The following MNS1 variants were observed in gnomAD, a reference collection of about 807,000 sequenced individuals.
The protein encoded by MNS1 is meiosis-specific nuclear structural protein 1.
A neutral mutation model predicts 72.0 loss-of-function variants in MNS1; 63 were observed. That is an observed-to-expected ratio of 0.87 (90% CI 0.71 to 1.08). The LOEUF (loss-of-function observed/expected upper bound fraction) is 1.08, where lower values mean the gene tolerates loss of function less well. Ranked by LOEUF, MNS1 falls within the 50% of genes least tolerant of loss-of-function variation. The pLI, the probability that MNS1 is intolerant of heterozygous loss-of-function variation, is 0.00. For missense variants in MNS1, 604 were observed against 562.4 expected, an observed-to-expected ratio of 1.07 and a Z score of -0.75; for synonymous variants, 188 against 172.1, an observed-to-expected ratio of 1.09 and a Z score of -0.72.
intron 4 of MNS1, 93 bp downstream of exon 4, chr15:56,446,748 A>T: frequency 1.1e-6 from 1 of 898,662 alleles, no homozygotes; most frequent in South Asian, 1.7e-5. Flanking sequence ...AGCAGTGTAA[A>T]TTCTTTATAC....
intron 2 of MNS1, among the ~76,000 whole-genome samples, chr15:56,462,694 C>A (rs543391087): frequency 6.6e-6 from 1 of 152,304 alleles, no homozygotes; most frequent in East Asian, 1.9e-4. Flanking sequence ...ACCAAATACA[C>A]CGTATGAATG....
At chr15:56,445,304 T>C (rs1165913112) in intron 4 of MNS1, among the ~76,000 whole-genome samples, 2 of 152,046 alleles carry the variant, frequency 1.3e-5, no homozygotes, top group Non-Finnish European at 2.9e-5. Context: ...TCTTTCTTCT[T>C]GGATGGGTTA....
intron 2 of MNS1, among the ~76,000 whole-genome samples, chr15:56,462,581 ACAACT>A (rs2051030371): frequency 3.3e-5 from 5 of 152,248 alleles, no homozygotes; most frequent in Admixed American, 6.5e-5. Flanking sequence ...ACTGGATAAA[ACAACT>A]GGCTTAGTTT....
rs143653779 is a variant in MNS1, at chr15:56,462,110, T to G, written c.225+1916A>C. 1.6e-3 allele frequency among the ~76,000 whole-genome samples: 247 copies of G among 150,288 alleles called. 1 individual carries two copies. The highest frequency in any genetic ancestry group is 5.8e-3 in the African/African-American group (237 of 41,008). On this transcript the variant is annotated intron_variant, in intron 2 of 9. Transcript: ENST00000260453. The stretch of plus-strand genomic sequence containing the variant: ...GCCTTGAACTCCTGGGCTCAAGAGA[T>G]CCTTCCATCTTGGCCTCCCAAAGTG...
chr15:56,442,467 GGC>G (rs1257836519), intron 7 of MNS1, among the ~76,000 whole-genome samples: 3 of 152,074 alleles, frequency 2.0e-5, no homozygotes, highest in African/African-American at 7.2e-5. Context: ...TATTCACAAT[GGC>G]AAAGATATGG....
chr15:56,443,870 A>G lies in MNS1; in HGVS notation c.687-16T>C. 3 of 1,559,386 alleles carry G rather than the reference A, an allele frequency of 1.9e-6. No homozygotes were observed. The highest frequency in any genetic ancestry group is 2.6e-6 in the Non-Finnish European group (3 of 1,146,862). On this transcript the variant is annotated splice_polypyrimidine_tract_variant and intron_variant, in intron 5 of 9. Coordinates refer to ENST00000260453, the MANE Select transcript of MNS1 (RefSeq NM_018365.4). ...TTGTTTTTCCCTGAAAAGCAATAAC[A>G]AGTACAGATTTATAGTAAACAATAA...
chr15:56,444,443 C>G lies in MNS1; in HGVS notation c.686+1G>C. 1 of 1,602,436 alleles carries G rather than the reference C, an allele frequency of 6.2e-7. No individual in the cohort carries two copies. Among genetic ancestry groups the G allele is most frequent in the Non-Finnish European group, 8.5e-7 (1 of 1,175,980 alleles). ...ATGTAAGAAAGTTAGGATAAACTTA[C>G]AACTGATCTTCTTCATAGATCTTCC... On this transcript the variant is annotated splice_donor_variant, in intron 5 of 9. Coordinates refer to ENST00000260453, the MANE Select transcript of MNS1 (RefSeq NM_018365.4). LOFTEE classifies it high-confidence loss of function.
In MNS1 at chr15:56,461,992, T is replaced by G. The variant is rs1056308674; in HGVS notation, c.225+2034A>C. ...TTGTTGTTGTTTTTTTTTTTTTTTTTTTTTTTTTTTTTTTTTTTGTGGGGT... is the reference window on the plus strand; with the variant it reads ...TTGTTGTTGTTTTTTTTTTTTTTTTGTTTTTTTTTTTTTTTTTTGTGGGGT... On this transcript the variant is annotated intron_variant, in intron 2 of 9. Transcript: ENST00000260453. Among the ~76,000 whole-genome samples, 266 of 129,510 alleles carry G rather than the reference T, an allele frequency of 2.1e-3. 3 individuals are homozygous for G. The highest frequency in any genetic ancestry group is 3.7e-3 in the African/African-American group (137 of 36,974). The allele number at this position is 129,510 out of a possible 152,430, so 85.0% of individuals were successfully genotyped here. A position where few individuals can be genotyped will look rare whatever the true frequency, so the allele number is the denominator to read the frequency against.
rs145551259 is a variant in MNS1, at chr15:56,446,690, T to C, written c.456+151A>G. The C allele has an allele frequency of 8.9e-4, 531 of 598,328 alleles. 4 individuals carry two copies. In the African/African-American group the frequency reaches 9.1e-3, roughly 10 times the overall value. The allele number at this position is 598,328 out of a possible 1,614,324, so 37.1% of individuals were successfully genotyped here. On this transcript the variant is annotated intron_variant, in intron 4 of 9. Coordinates refer to ENST00000260453, the MANE Select transcript of MNS1 (RefSeq NM_018365.4). ...ATATTAAAAATGAAATCACGCAGGA[T>C]TTTCTACATCTTAAGGATCTGAAAA...
chr15:56,432,170 T>C (rs1003013869), intron 8 of MNS1, among the ~76,000 whole-genome samples: 3 of 152,202 alleles, frequency 2.0e-5, no homozygotes, highest in African/African-American at 7.2e-5. Context: ...ACTTGATACA[T>C]TTTTGTCCAA....
intron 9 of MNS1, among the ~76,000 whole-genome samples, chr15:56,431,091 T>C (rs1325506311): frequency 6.6e-6 from 1 of 152,090 alleles, no homozygotes; most frequent in Non-Finnish European, 1.5e-5. Context: ...GAGGCAGAGG[T>C]TGCAGTAAGC....
chr15:56,443,034 C>T (rs2050846058), intron 7 of MNS1, among the ~76,000 whole-genome samples: 1 of 152,126 alleles, frequency 6.6e-6, no homozygotes, highest in Admixed American at 6.6e-5. Context: ...AGGACTATGA[C>T]ATCTTCTAGA....
chr15:56,448,751 C>CTTTT (rs34366643), intron 3 of MNS1, among the ~76,000 whole-genome samples: 2 of 117,678 alleles, frequency 1.7e-5, no homozygotes, highest in Non-Finnish European at 1.8e-5. Context: ...TTTTTAGATT[C>CTTTT]TTTTTTTTTT....
At chr15:56,437,396 C>T (rs1374879019) in intron 7 of MNS1, among the ~76,000 whole-genome samples, 1 of 152,062 alleles carries the variant, frequency 6.6e-6, no homozygotes, top group Non-Finnish European at 1.5e-5. Flanking sequence ...GCAAAAAAGG[C>T]CCTTGACAAA....
rs74247168 is a variant in MNS1 at position 56,450,554 on chromosome 15, G to C, written c.354-3611C>G. ...GCTTACTTAACATAATGTTTTCAAG[G>C]TTCACTAATATTTTAGCATGTATCA... On this transcript the variant is annotated intron_variant, in intron 3 of 9. Coordinates refer to ENST00000260453, the MANE Select transcript of MNS1 (RefSeq NM_018365.4). Among the ~76,000 whole-genome samples, 159 of 152,058 alleles carry C rather than the reference G, an allele frequency of 1.0e-3. No homozygotes were observed. In the East Asian group the frequency reaches 0.029, roughly 28 times the overall value.
At chr15:56,441,223 A>G (rs1370939040) in intron 7 of MNS1, among the ~76,000 whole-genome samples, 1 of 151,952 alleles carries the variant, frequency 6.6e-6, no homozygotes, top group African/African-American at 2.4e-5. Context: ...CTGATTTTTA[A>G]TTTAATTCCA....
At chr15:56,447,005 G>A in intron 3 of MNS1, 62 bp from the exon 4 acceptor site, 1 of 1,114,938 alleles carries the variant, frequency 9.0e-7, no homozygotes, top group Non-Finnish European at 1.3e-6. Flanking sequence ...AAACCTCACA[G>A]AAAACTGAGT....
At chr15:56,442,757 G>T (rs531174613) in intron 7 of MNS1, among the ~76,000 whole-genome samples, 1 of 152,110 alleles carries the variant, frequency 6.6e-6, no homozygotes, top group African/African-American at 2.4e-5. Flanking sequence ...TAGGAGGAGG[G>T]TGAGGATCAA....
rs375671258 is a variant in MNS1, at chr15:56,464,046, T to C, written c.205A>G (p.Met69Val). The C allele has an allele frequency of 8.5e-5, 137 of 1,612,748 alleles. No homozygotes were observed. The highest frequency in any genetic ancestry group is 1.6e-4 in the Middle Eastern group (1 of 6,082). The change falls in exon 2 of 10, where the codon ATG (methionine) becomes GTG (valine). Residue 69 changes from methionine (M) to valine (V), a missense_variant. Transcript: ENST00000260453. ...CTTACCTTTTGAATGGCCTCTTCCA[T>C]ATCCAACTCAAATTGTTCATTTTGT... ...LLQNEQFELD[M>V]EEAIQKAEEN...
Sources: allele counts gnomAD v4.1 joint callset (sites outside exome capture counted in the v4.1 genomes callset), GRCh38; gene constraint gnomAD v4.1.1; transcripts MANE v1.5; gene names NCBI Gene and HGNC (gene_info 2026-07-23, HGNC 2026-07-21).